The following PSG9 variants were observed in gnomAD, a reference collection of about 807,000 sequenced individuals.
PSG9 encodes the protein pregnancy-specific beta-1-glycoprotein 9.
A neutral mutation model predicts 41.9 loss-of-function variants in PSG9; 49 were observed. The ratio of observed to expected loss-of-function variants is 1.17; its 90% CI spans 0.93 to 1.48. The LOEUF (loss-of-function observed/expected upper bound fraction) is 1.48, where lower values mean the gene tolerates loss of function less well. Ranked by LOEUF, PSG9 falls within the 40% of genes most tolerant of loss-of-function variation. The pLI, the probability that PSG9 is intolerant of heterozygous loss-of-function variation, is 0.00. For synonymous variants in PSG9, 263 were observed against 196.8 expected (o/e 1.34, Z -2.82); for missense variants, 641 against 520.3 (o/e 1.23, Z -2.26).
intron 5 of PSG9, among the ~76,000 whole-genome samples, chr19:43,254,129 T>A (rs1968362597): frequency 6.9e-6 from 1 of 145,776 alleles, no homozygotes; most frequent in Non-Finnish European, 1.5e-5. Flanking sequence ...AAAAGGTAGG[T>A]ACTGTTGAGG....
rs1221251496 is a variant in PSG9, at chr19:43,257,688, T to C, written c.1243+514A>G. ...CACGCTAGTCCCACCCCAGGTTGAG[T>C]GAGGCAGGGCCAGTCACCAGAGGAG... On this transcript the variant is annotated intron_variant, in intron 5 of 5. Coordinates refer to ENST00000270077, the MANE Select transcript of PSG9 (RefSeq NM_002784.5). The C allele has an allele frequency of 2.3e-5, 25 of 1,095,898 alleles. 3 individuals are homozygous for C. The highest frequency in any genetic ancestry group is 2.6e-5 in the Non-Finnish European group (24 of 909,658). The allele number at this position is 1,095,898 out of a possible 1,614,324, so 67.9% of individuals were successfully genotyped here. A position where few individuals can be genotyped will look rare whatever the true frequency, so the allele number is the denominator to read the frequency against.
At chr19:43,265,465 C>G (rs556195077) in intron 2 of PSG9, among the ~76,000 whole-genome samples, 2 of 152,074 alleles carry the variant, frequency 1.3e-5, no homozygotes, top group Non-Finnish European at 2.9e-5. Flanking sequence ...GTCATGTGGC[C>G]CCTACCTGGA....
At chr19:43,264,132 T>A (rs1968854989) in intron 2 of PSG9, among the ~76,000 whole-genome samples, 1 of 151,992 alleles carries the variant, frequency 6.6e-6, no homozygotes, top group Admixed American at 6.6e-5. Context: ...GAGGAAATAG[T>A]TGTATGAGAC....
rs1446017992 is a variant in PSG9 at position 43,268,445 on chromosome 19, C to A, written c.65-296G>T. On this transcript the variant is annotated intron_variant, in intron 1 of 5. Coordinates refer to ENST00000270077, the MANE Select transcript of PSG9 (RefSeq NM_002784.5). Reference sequence around the variant, plus strand: ...CCCCAGGGGTCCACACGGCCCCCTCCACACTGCCCTCAGGTCCTGCTCACA... The same window carrying A: ...CCCCAGGGGTCCACACGGCCCCCTCAACACTGCCCTCAGGTCCTGCTCACA... Among the ~76,000 whole-genome samples, 37 of 151,714 alleles carry A rather than the reference C, an allele frequency of 2.4e-4. 1 individual carries two copies. The highest frequency in any genetic ancestry group is 3.2e-3 in the Middle Eastern group (1 of 314).
rs1333803999 is a variant in PSG9 at position 43,259,266 on chromosome 19, G to T, written c.710-131C>A. The T allele has an allele frequency of 2.7e-5, 37 of 1,395,760 alleles. 3 individuals carry two copies. The highest frequency in any genetic ancestry group is 2.6e-4 in the Middle Eastern group (1 of 3,796). 86.5% of individuals were successfully genotyped at this position (1,395,760 alleles called of 1,614,324 possible). Reference sequence around the variant, plus strand: ...CCTTGAAAGCCAATAGCTGGTGCGTGTGTCACAAGACAGATGCATGATGAT... The same window carrying T: ...CCTTGAAAGCCAATAGCTGGTGCGTTTGTCACAAGACAGATGCATGATGAT... On this transcript the variant is annotated intron_variant, in intron 3 of 5. Coordinates refer to ENST00000270077, the MANE Select transcript of PSG9 (RefSeq NM_002784.5).
At chr19:43,267,350 C>A (rs1969019074) in intron 2 of PSG9, among the ~76,000 whole-genome samples, 1 of 152,122 alleles carries the variant, frequency 6.6e-6, no homozygotes, top group South Asian at 2.1e-4. Context: ...CTGGCACAGG[C>A]TCCTCAGCTT....
rs978403194 is a variant in PSG9, at chr19:43,259,804, T to C, written c.710-669A>G. 6.1e-5 allele frequency: 9 copies of C among 148,032 alleles called. 2 individuals are homozygous for C. The highest frequency in any genetic ancestry group is 2.3e-4 in the African/African-American group (9 of 38,632). 9.2% of individuals were successfully genotyped at this position (148,032 alleles called of 1,614,324 possible). Reference sequence around the variant, plus strand: ...ACATAGAGCAGAGTGCAAGGAATGATCTAGAAAGAGTGAAGGCGACAGGCA... The same window carrying C: ...ACATAGAGCAGAGTGCAAGGAATGACCTAGAAAGAGTGAAGGCGACAGGCA... On this transcript the variant is annotated intron_variant, in intron 3 of 5. Coordinates refer to ENST00000270077, the MANE Select transcript of PSG9 (RefSeq NM_002784.5).
intron 5 of PSG9, among the ~76,000 whole-genome samples, chr19:43,255,144 C>T (rs1249455997): frequency 1.4e-5 from 2 of 141,958 alleles, no homozygotes; most frequent in Non-Finnish European, 3.0e-5. Flanking sequence ...AAAAATGAAG[C>T]GATTACTACC....
chr19:43,261,899 T>A lies in PSG9; in HGVS notation c.670A>T (p.Ser224Cys). Residue 224 changes from serine to cysteine, a missense_variant, in exon 3 of 6, where the codon AGT becomes TGT. By Grantham distance (112) the Ser-to-Cys change is moderately radical. Coordinates refer to ENST00000270077, the MANE Select transcript of PSG9 (RefSeq NM_002784.5). ...GTGACTGGGTCACTGCGACTGGCAC[T>A]CACTGGGTTCCGTATTTCACATTCA... Reference protein sequence around the residue: ...PYECEIRNPVSASRSDPVTLN... With the variant: ...PYECEIRNPVCASRSDPVTLN... 1 of 1,614,098 alleles carries A rather than the reference T, an allele frequency of 6.2e-7. No individual in the cohort carries two copies. Among genetic ancestry groups the A allele is most frequent in the Non-Finnish European group, 8.5e-7 (1 of 1,179,946 alleles).
rs566785710 is a variant in PSG9 at position 43,256,857 on chromosome 19, C to A, written c.1243+1345G>T. ...TCCAGCAATTCCACTTCTGGACATA[C>A]TCCCCATAGAATTGAAAGAAATTTG... is the stretch of plus-strand genomic sequence containing the variant. On this transcript the variant is annotated intron_variant, in intron 5 of 5. Coordinates refer to ENST00000270077, the MANE Select transcript of PSG9 (RefSeq NM_002784.5). 2.9e-4 allele frequency among the ~76,000 whole-genome samples: 42 copies of A among 146,846 alleles called. 5 individuals carry two copies. The highest frequency in any genetic ancestry group is 3.9e-4 in the Non-Finnish European group (26 of 67,448).
At chr19:43,263,391 C>T (rs1352713070) in intron 2 of PSG9, among the ~76,000 whole-genome samples, 1 of 152,094 alleles carries the variant, frequency 6.6e-6, no homozygotes, top group African/African-American at 2.4e-5. Context: ...GGTTTAGCAT[C>T]CCAAATCTGA....
chr19:43,267,342 G>A (rs553895521), intron 2 of PSG9, among the ~76,000 whole-genome samples: 13 of 152,242 alleles, frequency 8.5e-5, no homozygotes, highest in African/African-American at 2.9e-4. Flanking sequence ...ACCCAGCACT[G>A]GCACAGGCTC....
At position 43,269,448 on chromosome 19, in the gene PSG9, G is replaced by A. The variant is rs750979375; in HGVS notation, c.-17C>T. On this transcript the variant is annotated 5_prime_UTR_variant, in exon 1 of 6. Transcript: ENST00000270077. ...GGGCCCCATGGTCTCTGCTGCCTGT[G>A]TGTTCTCCTCTGTGGAGATGAGCCT... 13 of 1,613,146 alleles carry A rather than the reference G, an allele frequency of 8.1e-6. No homozygotes were observed. The highest frequency in any genetic ancestry group is 2.2e-5 in the East Asian group (1 of 44,784).
Position 43,268,014 on chromosome 19 carries a change from C to T in PSG9, c.200G>A (p.Trp67Ter). 2 of 1,613,732 alleles carry T rather than the reference C, an allele frequency of 1.2e-6. No individual in the cohort carries two copies. Among genetic ancestry groups the T allele is most frequent in the East Asian group, 4.5e-5 (2 of 44,868 alleles). The change falls in exon 2 of 6, where the codon TGG becomes TAG. Residue 67 changes from tryptophan (W) to a stop codon, truncating the protein, a stop_gained. Transcript: ENST00000270077. LOFTEE classifies it high-confidence loss of function. Reference sequence around the variant, plus strand: ...GAGGTCCGTCATTTCCCCTTTGTACCAGAAGTAGCCAGGAAGATTCTGGGG... The same window carrying T: ...GAGGTCCGTCATTTCCCCTTTGTACTAGAAGTAGCCAGGAAGATTCTGGGG... ...NLPQNLPGYF[W>*]YKGEMTDLYH... is the part of the protein sequence containing the mutation.
At position 43,261,961 on chromosome 19, in the gene PSG9, T is replaced by G. The variant is rs143377407; in HGVS notation, c.608A>C (p.Tyr203Ser). The G allele has an allele frequency of 6.2e-7, 1 of 1,613,874 alleles. No individual in the cohort carries two copies. Among genetic ancestry groups the G allele is most frequent in the African/African-American group, 1.3e-5 (1 of 74,892 alleles). Residue 203 changes from tyrosine (Y) to serine (S), a missense_variant, in exon 3 of 6, where the codon TAT (tyrosine) becomes TCT (serine). Coordinates refer to ENST00000270077, the MANE Select transcript of PSG9 (RefSeq NM_002784.5). ...AATATACTTTGTGACACCAAATAGA[T>G]AGAGGGTCCTGTTGGTTTTGGACAG... ...LQLSKTNRTL[Y>S]LFGVTKYIAG...
chr19:43,267,339 A>C (rs1218600029), intron 2 of PSG9, among the ~76,000 whole-genome samples: 4 of 152,134 alleles, frequency 2.6e-5, no homozygotes, highest in Non-Finnish European at 4.4e-5. Flanking sequence ...ACAACCCAGC[A>C]CTGGCACAGG....
rs570186705 is a variant in PSG9 at position 43,253,909 on chromosome 19, C to A, written c.1244-263G>T. On this transcript the variant is annotated intron_variant, in intron 5 of 5. Transcript: ENST00000270077. ...ATAGTGTTCTGTGGGTTCTCCCATA[C>A]TACCTTCATGCCTGCTCCACATTCC... Among the ~76,000 whole-genome samples the A allele has an allele frequency of 3.8e-4, 56 of 146,416 alleles. 2 individuals carry two copies. The highest frequency in any genetic ancestry group is 6.1e-4 in the Admixed American group (9 of 14,754).
In PSG9 at chr19:43,258,390, A is replaced by C; in HGVS notation, c.1055T>G (p.Leu352Trp). Residue 352 changes from leucine (L) to tryptophan (W), a missense_variant, in exon 5 of 6, where the codon TTG becomes TGG. By Grantham distance (61) the Leu-to-Trp change is moderately conservative. Coordinates refer to ENST00000270077, the MANE Select transcript of PSG9 (RefSeq NM_002784.5). ...TGGGTTAGATTCCGTGAAGCAGGACAAGTCGAGGTTTTCTCCTGAACGGTA... is the reference window on the plus strand; with the variant it reads ...TGGGTTAGATTCCGTGAAGCAGGACCAGTCGAGGTTTTCTCCTGAACGGTA... ...TYYRSGENLD[L>W]SCFTESNPPA... 1 of 1,592,514 alleles carries C rather than the reference A, an allele frequency of 6.3e-7. No individual in the cohort carries two copies. The highest frequency in any genetic ancestry group is 8.5e-7 in the Non-Finnish European group (1 of 1,174,308).
intron 2 of PSG9, 62 bp from the exon 3 acceptor site, chr19:43,262,200 T>C (rs1458542243): frequency 1.3e-6 from 2 of 1,568,032 alleles, no homozygotes; most frequent in East Asian, 4.5e-5. Context: ...CAAAGGCATT[T>C]TTCAGTCAGA....
Sources: allele counts gnomAD v4.1 joint callset (sites outside exome capture counted in the v4.1 genomes callset), GRCh38; gene constraint gnomAD v4.1.1; transcripts MANE v1.5; gene names NCBI Gene and HGNC (gene_info 2026-07-23, HGNC 2026-07-21).